The following TAFA1 variants were observed in gnomAD, a reference collection of about 807,000 sequenced individuals.
The protein encoded by TAFA1 is TAFA chemokine like family member 1.
A neutral mutation model predicts 18.5 loss-of-function variants in TAFA1; 4 were observed. That is an observed-to-expected ratio of 0.22 (90% CI 0.11 to 0.49). The LOEUF (loss-of-function observed/expected upper bound fraction) is 0.49. Among genes scored for constraint, TAFA1 ranks in the 20% least tolerant of loss-of-function variants. The pLI, the probability that TAFA1 is intolerant of heterozygous loss-of-function variation, is 0.98. For missense variants in TAFA1, 147 were observed against 169.0 expected, an observed-to-expected ratio of 0.87 and a Z score of 0.72; for synonymous variants, 56 against 55.2, an observed-to-expected ratio of 1.01 and a Z score of -0.06.
rs188919496 is a variant in TAFA1, at chr3:68,433,948, G to A, written c.259+16528G>A. 2.5e-3 allele frequency among the ~76,000 whole-genome samples: 386 copies of A among 152,180 alleles called. 2 individuals are homozygous for A. Among genetic ancestry groups the A allele is most frequent in the Non-Finnish European group, 3.8e-3 (261 of 67,980 alleles). ...GAACAATTCCCAGACTTACACTTGA[G>A]CATTGTTTATGTGTAAAGGACATTC... is the stretch of plus-strand genomic sequence containing the variant. On this transcript the variant is annotated intron_variant, in intron 3 of 4. Transcript: ENST00000478136.
At chr3:68,049,032 C>T (rs1461097966) in intron 2 of TAFA1, among the ~76,000 whole-genome samples, 1 of 152,058 alleles carries the variant, frequency 6.6e-6, no homozygotes, top group Admixed American at 6.6e-5. Flanking sequence ...TTTGTGGAAC[C>T]CCTGAACTGT....
chr3:68,138,079 C>T (rs1237655053), intron 2 of TAFA1, among the ~76,000 whole-genome samples: 2 of 151,926 alleles, frequency 1.3e-5, no homozygotes, highest in Non-Finnish European at 2.9e-5. Context: ...TTTGTATATA[C>T]CTAAGGTGAG....
intron 2 of TAFA1, among the ~76,000 whole-genome samples, chr3:68,216,837 C>G (rs1432578124): frequency 6.6e-6 from 1 of 151,984 alleles, no homozygotes; most frequent in African/African-American, 2.4e-5. Flanking sequence ...GAGCAATGAG[C>G]AACAAAATGA....
chr3:68,128,177 C>G (rs1054208340), intron 2 of TAFA1, among the ~76,000 whole-genome samples: 3 of 152,116 alleles, frequency 2.0e-5, no homozygotes, highest in Non-Finnish European at 2.9e-5. Flanking sequence ...AAGACTCAGA[C>G]TCAGGCAGGC....
chr3:68,231,640 G>A (rs1269053603), intron 2 of TAFA1, among the ~76,000 whole-genome samples: 2 of 152,070 alleles, frequency 1.3e-5, no homozygotes, highest in Non-Finnish European at 2.9e-5. Flanking sequence ...GATTACAGGC[G>A]TGAGCCACCG....
At chr3:68,238,819 C>A (rs1053523384) in intron 2 of TAFA1, among the ~76,000 whole-genome samples, 1 of 152,102 alleles carries the variant, frequency 6.6e-6, no homozygotes, top group African/African-American at 2.4e-5. Flanking sequence ...AACATTTACA[C>A]CGAATGAAAA....
chr3:68,137,982 T>TA (rs71112616), intron 2 of TAFA1, among the ~76,000 whole-genome samples: 5,373 of 147,882 alleles, frequency 0.036, 328 homozygotes, highest in African/African-American at 0.12. Context: ...CGCTACTATT[T>TA]AAAAAAAAAA....
chr3:68,369,796 C>G lies in TAFA1; in HGVS notation c.119-47484C>G, dbSNP rs568443041. Among the ~76,000 whole-genome samples, 8 of 152,262 alleles carry G rather than the reference C, an allele frequency of 5.3e-5. No homozygotes were observed. In the East Asian group the frequency reaches 1.5e-3, roughly 29 times the overall value. ...TCTCCTGTTTCTAGAATGGTGTGCA[C>G]ATTTGCACATTCTATTAGAAAAAAA... On this transcript the variant is annotated intron_variant, in intron 2 of 4. Coordinates refer to ENST00000478136, the MANE Select transcript of TAFA1 (RefSeq NM_213609.4).
At chr3:68,502,624 AT>A (rs5849852) in intron 3 of TAFA1, among the ~76,000 whole-genome samples, 149,478 of 151,996 alleles carry the variant, frequency 0.98, 73,515 homozygotes, top group East Asian at 1. Flanking sequence ...GGACCCAGTT[AT>A]TTTTTTCTGC....
intron 2 of TAFA1, among the ~76,000 whole-genome samples, chr3:68,407,419 C>T (rs1048645992): frequency 6.6e-6 from 1 of 152,052 alleles, no homozygotes; most frequent in Non-Finnish European, 1.5e-5. Flanking sequence ...GAGCTAACAA[C>T]TAAAATAAAT....
At chr3:68,023,758 A>T (rs1704748404) in intron 2 of TAFA1, among the ~76,000 whole-genome samples, 1 of 152,158 alleles carries the variant, frequency 6.6e-6, no homozygotes, top group African/African-American at 2.4e-5. Flanking sequence ...AATCAAAAAA[A>T]TAACATGACA....
chr3:68,418,369 T>C (rs2070884307), intron 3 of TAFA1, among the ~76,000 whole-genome samples: 1 of 151,810 alleles, frequency 6.6e-6, no homozygotes, highest in African/African-American at 2.4e-5. Flanking sequence ...GGGGAGCTTT[T>C]TGAGCCAGGA....
chr3:68,303,382 C>T (rs2068341296), intron 2 of TAFA1, among the ~76,000 whole-genome samples: 2 of 152,164 alleles, frequency 1.3e-5, no homozygotes, highest in Admixed American at 6.5e-5. Context: ...TAGCCATTTA[C>T]TCTGCCTAAA....
intron 2 of TAFA1, among the ~76,000 whole-genome samples, chr3:68,149,708 C>T (rs1171308942): frequency 1.3e-5 from 2 of 152,204 alleles, no homozygotes; most frequent in Non-Finnish European, 2.9e-5. Context: ...ACTCCACCTC[C>T]AGCTTTGGGA....
intron 2 of TAFA1, among the ~76,000 whole-genome samples, chr3:68,262,706 A>G (rs1348274431): frequency 6.6e-6 from 1 of 152,006 alleles, no homozygotes; most frequent in East Asian, 1.9e-4. Context: ...GGTTGATTCC[A>G]TATCTTTGCT....
At chr3:68,066,883 G>C (rs1056809153) in intron 2 of TAFA1, among the ~76,000 whole-genome samples, 1 of 152,158 alleles carries the variant, frequency 6.6e-6, no homozygotes, top group African/African-American at 2.4e-5. Context: ...TTTATAAGCT[G>C]ATGCCTCTAT....
intron 3 of TAFA1, among the ~76,000 whole-genome samples, chr3:68,444,669 T>A (rs1300572533): frequency 6.6e-6 from 1 of 151,730 alleles, no homozygotes; most frequent in Non-Finnish European, 1.5e-5. Flanking sequence ...TGGTGGCTTA[T>A]GTGTGTAATC....
chr3:68,472,695 T>A (rs2072023543), intron 3 of TAFA1, among the ~76,000 whole-genome samples: 1 of 152,154 alleles, frequency 6.6e-6, no homozygotes, highest in Non-Finnish European at 1.5e-5. Context: ...TTTCTATTAT[T>A]TTTTACAATT....
intron 2 of TAFA1, among the ~76,000 whole-genome samples, chr3:68,414,398 A>G (rs1489987972): frequency 6.6e-6 from 1 of 152,156 alleles, no homozygotes; most frequent in Non-Finnish European, 1.5e-5. Flanking sequence ...AACCTTTCTA[A>G]GCCAAGTGTC....
Sources: gnomAD v4.1 joint callset for allele counts (sites outside exome capture counted in the v4.1 genomes callset) on GRCh38, gnomAD v4.1.1 for gene constraint, MANE v1.5 for transcripts, NCBI Gene and HGNC (gene_info 2026-07-23, HGNC 2026-07-21) for gene names.